TNRC6B: variants seen among roughly 807,000 people sequenced by gnomAD.
TNRC6B encodes trinucleotide repeat-containing gene 6B protein.
TNRC6B carries 52 observed loss-of-function variants against 203.6 expected under a neutral mutation model. That is an observed-to-expected ratio of 0.26 (90% confidence interval 0.20 to 0.32). TNRC6B has a LOEUF of 0.32. Among genes scored for constraint, TNRC6B ranks in the 10% least tolerant of loss-of-function variants. The pLI is 1.00. For synonymous variants in TNRC6B, 838 were observed against 845.7 expected, an observed-to-expected ratio of 0.99 and a Z score of 0.16; for missense variants, 1,923 against 2,286.2, an observed-to-expected ratio of 0.84 and a Z score of 3.24.
intron 12 of TNRC6B, among the ~76,000 whole-genome samples, chr22:40,290,531 A>G (rs923084748): frequency 5.3e-5 from 8 of 152,188 alleles, no homozygotes; most frequent in African/African-American, 1.9e-4. Flanking sequence ...CACACCAAGC[A>G]TACGCTTAGA....
At chr22:40,194,325 G>A (rs1024493609) in intron 1 of TNRC6B, among the ~76,000 whole-genome samples, 15 of 151,740 alleles carry the variant, frequency 9.9e-5, no homozygotes, top group South Asian at 4.2e-4. Flanking sequence ...GAGCTGGTGC[G>A]GAGAGACTGT....
intron 1 of TNRC6B, among the ~76,000 whole-genome samples, chr22:40,243,249 C>T: frequency 6.6e-6 from 1 of 152,174 alleles, no homozygotes. Flanking sequence ...AAAGGTGAGA[C>T]TCACACTATT....
chr22:40,060,761 C>G (rs1387396602), intron 1 of TNRC6B, among the ~76,000 whole-genome samples: 1 of 152,206 alleles, frequency 6.6e-6, no homozygotes, highest in African/African-American at 2.4e-5. Flanking sequence ...ACAGGACACA[C>G]TTAATTCCCC....
chr22:40,279,442 C>G (rs957777658), intron 9 of TNRC6B, among the ~76,000 whole-genome samples: 20 of 152,202 alleles, frequency 1.3e-4, no homozygotes, highest in Non-Finnish European at 4.4e-5. Flanking sequence ...ATAGTTATGG[C>G]ACCTGGGAAA....
At chr22:40,287,267 C>A (rs920923545) in intron 12 of TNRC6B, among the ~76,000 whole-genome samples, 3 of 152,166 alleles carry the variant, frequency 2.0e-5, no homozygotes, top group African/African-American at 7.2e-5. Flanking sequence ...CCTCAGCCTC[C>A]CAAAGCACTG....
At position 40,170,451 on chromosome 22, in the gene TNRC6B, ATATATATAGTTTATATATATAT is replaced by A. The variant is rs1168571949; in HGVS notation, c.113+14278_113+14299del. Reference sequence around the variant, plus strand: ...TATATATATAGTTTATATATATATTATATATATAGTTTATATATATATTATATATATAGTTTATATATATATT... The same window carrying A: ...TATATATATAGTTTATATATATATTATATATATATAGTTTATATATATATT... On this transcript the variant is annotated intron_variant, in intron 4 of 23. Transcript: ENST00000301923. 1.2e-3 allele frequency among the ~76,000 whole-genome samples: 16 copies of A among 13,748 alleles called. 1 individual carries two copies. Among genetic ancestry groups the A allele is most frequent in the African/African-American group, 2.1e-3 (2 of 950 alleles). 9.0% of individuals were successfully genotyped at this position (13,748 alleles called of 152,430 possible).
At chr22:40,199,695 C>T (rs2069384993) in intron 1 of TNRC6B, among the ~76,000 whole-genome samples, 1 of 152,182 alleles carries the variant, frequency 6.6e-6, no homozygotes, top group East Asian at 1.9e-4. Context: ...ACGAAGCTTA[C>T]ATGGGGCTTG....
At chr22:40,282,119 G>A (rs899162360) in intron 11 of TNRC6B, among the ~76,000 whole-genome samples, 2 of 152,212 alleles carry the variant, frequency 1.3e-5, no homozygotes, top group Admixed American at 6.5e-5. Flanking sequence ...ACCTCAGGAC[G>A]TTGTGGGAGG....
intron 1 of TNRC6B, among the ~76,000 whole-genome samples, chr22:40,186,416 GTTATTTTAAA>G (rs1227854487): frequency 6.6e-6 from 1 of 151,962 alleles, no homozygotes; most frequent in Admixed American, 6.6e-5. Flanking sequence ...AGCCACGTGT[GTTATTTTAAA>G]TTTTCCAGGA....
At chr22:40,083,652 A>G (rs1299094156) in intron 1 of TNRC6B, among the ~76,000 whole-genome samples, 1 of 152,096 alleles carries the variant, frequency 6.6e-6, no homozygotes, top group African/African-American at 2.4e-5. Context: ...GGTGGAGGAA[A>G]AAGGGGAGAA....
At chr22:40,117,256 A>G (rs1207839421) in intron 2 of TNRC6B, 1 of 152,366 alleles carries the variant, frequency 6.6e-6, no homozygotes, top group East Asian at 1.9e-4. Context: ...TAAGGTGACC[A>G]TCATACCAGC....
intron 1 of TNRC6B, among the ~76,000 whole-genome samples, chr22:40,058,709 G>A (rs1885486255): frequency 6.6e-6 from 1 of 152,206 alleles, no homozygotes; most frequent in African/African-American, 2.4e-5. Context: ...GCGTGATGCT[G>A]TTGGATACCC....
chr22:40,293,190 C>A (rs201714230), intron 12 of TNRC6B, among the ~76,000 whole-genome samples: 2 of 79,454 alleles, frequency 2.5e-5, no homozygotes, highest in Non-Finnish European at 4.5e-5. Flanking sequence ...ATATCCTTTT[C>A]TTTTTTTTTT....
chr22:40,134,868 A>G (rs1369814109), intron 3 of TNRC6B, among the ~76,000 whole-genome samples: 2 of 152,238 alleles, frequency 1.3e-5, no homozygotes, highest in Admixed American at 6.5e-5. Flanking sequence ...AAGTTTTCAT[A>G]TATTTTTAAG....
At chr22:40,130,931 T>A (rs2068537838) in intron 3 of TNRC6B, among the ~76,000 whole-genome samples, 1 of 151,062 alleles carries the variant, frequency 6.6e-6, no homozygotes, top group Non-Finnish European at 1.5e-5. Flanking sequence ...AGACAGAGTC[T>A]CGCTCTGTTG....
intron 4 of TNRC6B, among the ~76,000 whole-genome samples, chr22:40,157,296 G>T (rs1360726613): frequency 1.2e-5 from 1 of 81,312 alleles, no homozygotes; most frequent in Non-Finnish European, 2.2e-5. Flanking sequence ...AAATTGAATG[G>T]GCCAGTGATT....
chr22:40,083,050 A>G (rs2068073873), intron 1 of TNRC6B, among the ~76,000 whole-genome samples: 1 of 152,254 alleles, frequency 6.6e-6, no homozygotes, highest in Admixed American at 6.5e-5. Flanking sequence ...AGACAATAAT[A>G]AAAGCCATGA....
Position 40,301,222 on chromosome 22 carries a change from C to G in TNRC6B, c.4009C>G (p.Pro1337Ala), listed in dbSNP as rs1356193055. ...GAGGCAGCCAGGCATGAAGCACTCG[C>G]CCTCTCATCCTGTTGGGCCCAAGCC... ...QQRQPGMKHS[P>A]SHPVGPKPHL... The change falls in exon 15 of 23, where the codon CCC becomes GCC. Residue 1337 changes from proline to alanine, a missense_variant. By Grantham distance (27) the Pro-to-Ala change is conservative. Around this residue, in one of 8 missense-constraint regions of TNRC6B, gnomAD observed 242 missense variants for 399.5 expected, o/e 0.61. Transcript: ENST00000454349. 1 of 1,557,586 alleles carries G rather than the reference C, an allele frequency of 6.4e-7. No individual in the cohort carries two copies. Among genetic ancestry groups the G allele is most frequent in the Non-Finnish European group, 8.7e-7 (1 of 1,150,218 alleles).
chr22:40,256,592 T>A (rs1296035534), intron 3 of TNRC6B, among the ~76,000 whole-genome samples: 3 of 152,230 alleles, frequency 2.0e-5, no homozygotes, highest in African/African-American at 4.8e-5. Context: ...TAAAGTTTTA[T>A]GGGAGCACAG....
Sources: gnomAD v4.1 joint callset for allele counts (sites outside exome capture counted in the v4.1 genomes callset) on GRCh38, gnomAD v4.1.1 for gene constraint, gnomAD v4.1.1 regional missense constraint, MANE v1.5 for transcripts, NCBI Gene and HGNC (gene_info 2026-07-23, HGNC 2026-07-21) for gene names.